DIP2C: variants seen among roughly 807,000 people sequenced by gnomAD.
DIP2C encodes DIP2 acetate--CoA ligase C (putative), also known as disco-interacting protein 2 homolog C.
A neutral mutation model predicts 192.4 loss-of-function variants in DIP2C; 33 were observed. That is an observed-to-expected ratio of 0.17 (90% CI 0.13 to 0.23). The LOEUF is 0.23. Ranked by LOEUF, DIP2C falls within the 10% of genes least tolerant of loss-of-function variation. The probability of loss-of-function intolerance (pLI) is 1.00; values close to 1 mark genes in which losing one functional copy is unlikely to be tolerated. For synonymous variants in DIP2C, 979 were observed against 864.1 expected (o/e 1.13, Z -2.33); for missense variants, 1,537 against 2,110.1 (o/e 0.73, Z 5.32).
At chr10:525,625 C>A (rs1847003663) in intron 1 of DIP2C, among the ~76,000 whole-genome samples, 1 of 152,168 alleles carries the variant, frequency 6.6e-6, no homozygotes, top group Non-Finnish European at 1.5e-5. Context: ...TGAAAATGAA[C>A]CTCCTGCTTG....
At chr10:365,065 C>T (rs1385183973) in intron 19 of DIP2C, 2 of 512,616 alleles carry the variant, frequency 3.9e-6, no homozygotes, top group Non-Finnish European at 8.0e-6. Context: ...TCAGTTCAAA[C>T]TCTAACCCTC....
intron 14 of DIP2C, 62 bp downstream of exon 14, chr10:387,683 A>G (rs1963084513): frequency 1.7e-5 from 24 of 1,404,350 alleles, no homozygotes; most frequent in Non-Finnish European, 1.8e-5. Context: ...TCCTGTGTGG[A>G]CAGGCAGGGC....
intron 1 of DIP2C, among the ~76,000 whole-genome samples, chr10:589,322 A>G (rs938627942): frequency 1.3e-5 from 2 of 152,042 alleles, no homozygotes; most frequent in East Asian, 3.9e-4. Context: ...TTTTATATTA[A>G]AAGTTTAATT....
intron 4 of DIP2C, among the ~76,000 whole-genome samples, chr10:424,382 T>TTTTTTTTTTTTTTTTTG (rs1388302720): frequency 9.9e-6 from 1 of 101,360 alleles, no homozygotes; most frequent in Non-Finnish European, 1.9e-5. Flanking sequence ...TTTTTTTTTT[T>TTTTTTTTTTTTTTTTTG]TGAGACAGAG....
At chr10:435,966 T>C (rs1967149121) in intron 4 of DIP2C, among the ~76,000 whole-genome samples, 1 of 152,084 alleles carries the variant, frequency 6.6e-6, no homozygotes. Flanking sequence ...CTCATATATA[T>C]ATATAAATAT....
At chr10:504,403 A>ACCTGGAAGT (rs1448825393) in intron 1 of DIP2C, among the ~76,000 whole-genome samples, 2 of 152,076 alleles carry the variant, frequency 1.3e-5, no homozygotes, top group African/African-American at 4.8e-5. Flanking sequence ...GGCACGAACT[A>ACCTGGAAGT]CCTGGAAGTC....
chr10:458,440 T>C (rs1969479784), intron 3 of DIP2C, among the ~76,000 whole-genome samples: 1 of 152,246 alleles, frequency 6.6e-6, no homozygotes, highest in African/African-American at 2.4e-5. Flanking sequence ...GATGACCCCG[T>C]GACAGCAAGG....
At chr10:640,772 G>A (rs994562595) in intron 1 of DIP2C, among the ~76,000 whole-genome samples, 1 of 61,360 alleles carries the variant, frequency 1.6e-5, no homozygotes, top group African/African-American at 4.6e-5. Context: ...GAAGAGGGTG[G>A]GCGCCGGGAA....
At chr10:372,064 A>G (rs1361623182) in intron 17 of DIP2C, among the ~76,000 whole-genome samples, 1 of 137,802 alleles carries the variant, frequency 7.3e-6, no homozygotes, top group African/African-American at 2.7e-5. Context: ...AATCACAAAA[A>G]CCCCCTTTCC....
chr10:416,637 G>C (rs1435933558), intron 6 of DIP2C, among the ~76,000 whole-genome samples: 2 of 152,178 alleles, frequency 1.3e-5, no homozygotes, highest in African/African-American at 4.8e-5. Context: ...TAATTATAAT[G>C]AATGCTGCAC....
chr10:392,720 G>A (rs886892398), intron 10 of DIP2C, among the ~76,000 whole-genome samples: 49 of 139,130 alleles, frequency 3.5e-4, no homozygotes, highest in Middle Eastern at 3.6e-3. Context: ...AGGTACACAC[G>A]CGCCCAGGTA....
At chr10:471,875 G>T (rs1337574888) in intron 3 of DIP2C, among the ~76,000 whole-genome samples, 1 of 152,064 alleles carries the variant, frequency 6.6e-6, no homozygotes, top group Non-Finnish European at 1.5e-5. Flanking sequence ...GCCTCAGCCT[G>T]ATGAGTAGCT....
intron 1 of DIP2C, among the ~76,000 whole-genome samples, chr10:623,240 A>G (rs1457925635): frequency 2.0e-5 from 3 of 151,370 alleles, no homozygotes; most frequent in Admixed American, 6.6e-5. Flanking sequence ...CGGGCTGGCG[A>G]GGGAGGTCAC....
intron 31 of DIP2C, among the ~76,000 whole-genome samples, chr10:319,359 T>C (rs987672989): frequency 6.6e-6 from 1 of 152,228 alleles, no homozygotes; most frequent in Non-Finnish European, 1.5e-5. Context: ...AGCTGCCCTC[T>C]CAGATAAATC....
rs544656055 is a variant in DIP2C at position 381,872 on chromosome 10, C to T, written c.1991+775G>A. On this transcript the variant is annotated intron_variant, in intron 17 of 36. Coordinates refer to ENST00000280886, the MANE Select transcript of DIP2C (RefSeq NM_014974.3). ...CTGCCCCAAGAGCCCCACACCACAC[C>T]TCCTCTCTCTTGCCACACCTTCCCT... 2.6e-5 allele frequency among the ~76,000 whole-genome samples: 4 copies of T among 152,324 alleles called. No individual in the cohort carries two copies. The East Asian group carries it at 5.8e-4, about 22-fold the overall frequency.
chr10:347,450 C>T (rs1958543687), intron 26 of DIP2C, among the ~76,000 whole-genome samples: 1 of 142,004 alleles, frequency 7.0e-6, no homozygotes, highest in Non-Finnish European at 1.5e-5. Context: ...CGCACCCAGA[C>T]ACATCGCGCA....
At chr10:687,631 G>C (rs1158695467) in intron 1 of DIP2C, among the ~76,000 whole-genome samples, 2 of 152,200 alleles carry the variant, frequency 1.3e-5, no homozygotes, top group Non-Finnish European at 2.9e-5. Context: ...ACAGACGCAA[G>C]GTGTTCACAG....
At chr10:566,736 G>A (rs2131498428) in intron 1 of DIP2C, among the ~76,000 whole-genome samples, 1 of 152,362 alleles carries the variant, frequency 6.6e-6, no homozygotes, top group African/African-American at 2.4e-5. Flanking sequence ...CCCAAGCAGG[G>A]TACAGCCGTG....
At chr10:436,711 A>T (rs1159588553) in intron 4 of DIP2C, among the ~76,000 whole-genome samples, 1 of 124,754 alleles carries the variant, frequency 8.0e-6, no homozygotes, top group Admixed American at 8.5e-5. Context: ...GCCATGCTCC[A>T]CCCACACCTG....
Sources: allele counts gnomAD v4.1 joint callset (sites outside exome capture counted in the v4.1 genomes callset), GRCh38; gene constraint gnomAD v4.1.1; transcripts MANE v1.5; gene names NCBI Gene and HGNC (gene_info 2026-07-23, HGNC 2026-07-21).